The following THRB variants were observed in gnomAD, a reference collection of about 807,000 sequenced individuals.
THRB encodes the protein thyroid hormone receptor beta.
Under a neutral mutation model 47.8 loss-of-function variants are expected in THRB, and 12 were observed. That is an observed-to-expected ratio of 0.25 (90% CI 0.16 to 0.41). The LOEUF is 0.41. Among genes scored for constraint, THRB ranks in the 10% least tolerant of loss-of-function variants. THRB has a pLI of 1.00. For missense variants in THRB, 348 were observed against 589.2 expected (o/e 0.59, Z 4.24); for synonymous variants, 218 against 212.2 (o/e 1.03, Z -0.24).
intron 5 of THRB, among the ~76,000 whole-genome samples, chr3:24,158,420 C>CT (rs869272206): frequency 3.8e-4 from 41 of 107,736 alleles, no homozygotes; most frequent in Non-Finnish European, 4.4e-4. Flanking sequence ...AAAATGATAA[C>CT]TTTTTTTTTT....
At chr3:24,458,449 A>C (rs183215637) in intron 1 of THRB, 1 of 152,232 alleles carries the variant, frequency 6.6e-6, no homozygotes, top group Non-Finnish European at 1.5e-5. Flanking sequence ...TTAAAAAAAG[A>C]AGGAGCTTTG....
At chr3:24,354,436 T>G (rs1205203548) in intron 1 of THRB, among the ~76,000 whole-genome samples, 1 of 152,180 alleles carries the variant, frequency 6.6e-6, no homozygotes, top group Non-Finnish European at 1.5e-5. Context: ...GAAATATGTT[T>G]ACTTTGGAAG....
intron 1 of THRB, among the ~76,000 whole-genome samples, chr3:24,482,418 A>C (rs58932894): frequency 0.05 from 7,688 of 152,280 alleles, 280 homozygotes; most frequent in African/African-American, 0.097. Flanking sequence ...AAAGCCAGGC[A>C]TCCAACTCAG....
At chr3:24,342,284 CAGAA>C (rs1484890657) in intron 1 of THRB, among the ~76,000 whole-genome samples, 1 of 151,872 alleles carries the variant, frequency 6.6e-6, no homozygotes, top group Non-Finnish European at 1.5e-5. Flanking sequence ...AGTATTTAAA[CAGAA>C]AGAGAATAAT....
chr3:24,262,046 C>T (rs112777571), intron 3 of THRB, among the ~76,000 whole-genome samples: 2 of 152,084 alleles, frequency 1.3e-5, no homozygotes, highest in African/African-American at 4.8e-5. Context: ...TCTCTATAGA[C>T]CCCAGACCTC....
chr3:24,290,346 G>A (rs182577951), intron 3 of THRB, among the ~76,000 whole-genome samples: 72 of 152,256 alleles, frequency 4.7e-4, no homozygotes, highest in Non-Finnish European at 7.5e-4. Flanking sequence ...TGCAAACAAC[G>A]GAGAGGCACC....
rs80056682 is a variant in THRB at position 24,433,997 on chromosome 3, A to G, written c.-261+60655T>C. On this transcript the variant is annotated intron_variant, in intron 1 of 10. Coordinates refer to ENST00000646209, the MANE Select transcript of THRB (RefSeq NM_001354712.2). Reference sequence around the variant, plus strand: ...GCAAAGATTATGTGCTTACTTAGGTAGTCCAATAAATGCTTTCTAAGTCCA... The same window carrying G: ...GCAAAGATTATGTGCTTACTTAGGTGGTCCAATAAATGCTTTCTAAGTCCA... 4.8e-3 allele frequency among the ~76,000 whole-genome samples: 703 copies of G among 144,976 alleles called. 6 individuals carry two copies. The highest frequency in any genetic ancestry group is 0.017 in the African/African-American group (674 of 40,822).
intron 3 of THRB, among the ~76,000 whole-genome samples, chr3:24,253,332 A>T (rs1244160010): frequency 6.6e-6 from 1 of 152,224 alleles, no homozygotes. Flanking sequence ...ACATTAATTC[A>T]TTCAACAGAT....
chr3:24,157,862 A>T (rs1248029614), intron 5 of THRB, among the ~76,000 whole-genome samples: 1 of 152,228 alleles, frequency 6.6e-6, no homozygotes, highest in Non-Finnish European at 1.5e-5. Flanking sequence ...AGGTTTGGGC[A>T]TAGTATAGTT....
chr3:24,473,285 A>G (rs1286313397), intron 1 of THRB, among the ~76,000 whole-genome samples: 1 of 152,064 alleles, frequency 6.6e-6, no homozygotes, highest in Non-Finnish European at 1.5e-5. Context: ...TCGTAGTCTC[A>G]GGACTCAGAA....
At chr3:24,492,737 T>C (rs1698350419) in intron 1 of THRB, among the ~76,000 whole-genome samples, 1 of 152,242 alleles carries the variant, frequency 6.6e-6, no homozygotes, top group Non-Finnish European at 1.5e-5. Context: ...CAGAATTTAC[T>C]ACAAAGAAAC....
intron 1 of THRB, among the ~76,000 whole-genome samples, chr3:24,473,396 C>T (rs1694985754): frequency 6.6e-6 from 1 of 152,144 alleles, no homozygotes; most frequent in Admixed American, 6.5e-5. Context: ...GAGATACCAT[C>T]TCACACCAGT....
chr3:24,326,434 C>G (rs922334504), intron 2 of THRB, among the ~76,000 whole-genome samples: 1 of 152,068 alleles, frequency 6.6e-6, no homozygotes, highest in African/African-American at 2.4e-5. Context: ...TGGGGTTTCA[C>G]TATGTTGGCC....
intron 10 of THRB, among the ~76,000 whole-genome samples, chr3:24,125,386 C>G (rs146724202): frequency 6.6e-6 from 1 of 152,160 alleles, no homozygotes; most frequent in South Asian, 2.1e-4. Flanking sequence ...GGAAGAAAAC[C>G]GTCAGAGAAA....
chr3:24,197,658 A>AC (rs200909129), intron 4 of THRB, among the ~76,000 whole-genome samples: 3 of 112,150 alleles, frequency 2.7e-5, no homozygotes, highest in African/African-American at 1.2e-4. Context: ...AGATCAAAAT[A>AC]CCCCGAAACT....
intron 2 of THRB, among the ~76,000 whole-genome samples, chr3:24,305,959 C>T (rs541139083): frequency 7.9e-5 from 12 of 152,274 alleles, no homozygotes; most frequent in South Asian, 4.1e-4. Flanking sequence ...ATCTCCTCCC[C>T]CAATGGGCTT....
At chr3:24,217,215 A>G (rs2046656866) in intron 4 of THRB, among the ~76,000 whole-genome samples, 1 of 152,040 alleles carries the variant, frequency 6.6e-6, no homozygotes, top group Non-Finnish European at 1.5e-5. Flanking sequence ...TGAGGTCTAT[A>G]AAAGCAGCGT....
chr3:24,418,214 T>C (rs1240711220), intron 1 of THRB, among the ~76,000 whole-genome samples: 7 of 151,218 alleles, frequency 4.6e-5, no homozygotes, highest in South Asian at 2.1e-4. Flanking sequence ...TGCACATTCA[T>C]GTGCACATTC....
chr3:24,454,522 C>T (rs1460080481), intron 1 of THRB, among the ~76,000 whole-genome samples: 1 of 152,092 alleles, frequency 6.6e-6, no homozygotes, highest in Non-Finnish European at 1.5e-5. Flanking sequence ...TGTGGATTCT[C>T]AATAAAGCTG....
Sources: gnomAD v4.1 joint callset for allele counts (sites outside exome capture counted in the v4.1 genomes callset) on GRCh38, gnomAD v4.1.1 for gene constraint, MANE v1.5 for transcripts, NCBI Gene and HGNC (gene_info 2026-07-23, HGNC 2026-07-21) for gene names.